Variants in IL24 observed in about 807,000 individuals in gnomAD.
The protein encoded by IL24 is interleukin 24.
IL24 carries 24 observed loss-of-function variants against 27.6 expected under a neutral mutation model. The observed-to-expected ratio is 0.87, with a 90% CI of 0.63 to 1.22. IL24 has a LOEUF of 1.22. IL24 is among the 50% of genes most tolerant of loss of function. The pLI, the probability that IL24 is intolerant of heterozygous loss-of-function variation, is 0.00. For missense variants in IL24, 240 were observed against 237.0 expected (o/e 1.01, Z -0.08); for synonymous variants, 99 against 93.1 (o/e 1.06, Z -0.36).
At chr1:206,901,936 G>C in intron 5 of IL24, 62 bp from the exon 6 acceptor site, 1 of 1,526,938 alleles carries the variant, frequency 6.5e-7, no homozygotes, top group Non-Finnish European at 9.1e-7. Flanking sequence ...GGAAAACTGA[G>C]AGGGAGTTTG....
At position 206,899,364 on chromosome 1, in the gene IL24, T is replaced by C. The variant is rs749469893; in HGVS notation, c.89T>C (p.Met30Thr). Residue 30 changes from methionine (M) to threonine (T), a missense_variant, in exon 3 of 7, where the codon ATG (methionine) becomes ACG (threonine). Coordinates refer to ENST00000294984, the MANE Select transcript of IL24 (RefSeq NM_006850.3). ...CTGGCGACAGCCTCTCAAATGCAGA[T>C]GGTTGTGCTCCCTTGCCTGGGTTTT... Reference protein sequence around the residue: ...PLLATASQMQMVVLPCLGFTL... With the variant: ...PLLATASQMQTVVLPCLGFTL... 6.2e-7 allele frequency: 1 copy of C among 1,614,146 alleles called. No individual in the cohort carries two copies. The highest frequency in any genetic ancestry group is 8.5e-7 in the Non-Finnish European group (1 of 1,179,994).
Position 206,897,818 on chromosome 1 carries a change from A to T in IL24, c.-15A>T, listed in dbSNP as rs748139066. On this transcript the variant is annotated 5_prime_UTR_variant, in exon 2 of 7. Transcript: ENST00000294984. Reference sequence around the variant, plus strand: ...CTGCTTGGGAGGAAGGCCAGGAGGAACACGAGACTGAGAGATGAATTTTCA... The same window carrying T: ...CTGCTTGGGAGGAAGGCCAGGAGGATCACGAGACTGAGAGATGAATTTTCA... The T allele has an allele frequency of 1.2e-6, 2 of 1,612,594 alleles. No individual in the cohort carries two copies. The highest frequency in any genetic ancestry group is 8.5e-7 in the Non-Finnish European group (1 of 1,179,470).
chr1:206,899,517 T>C lies in IL24; in HGVS notation c.240+2T>C, dbSNP rs1433864272. On this transcript the variant is annotated splice_donor_variant, in intron 3 of 6. Coordinates refer to ENST00000294984, the MANE Select transcript of IL24 (RefSeq NM_006850.3). LOFTEE classifies it high-confidence loss of function. ...TTCTGGGCTGTGAAAGACACTATGG[T>C]GAGTAAAGTGCTGTTCTGGACCCAG... 3.8e-6 allele frequency: 6 copies of C among 1,588,260 alleles called. No individual in the cohort carries two copies. The highest frequency in any genetic ancestry group is 5.1e-6 in the Non-Finnish European group (6 of 1,167,830).
At chr1:206,902,118 G>C in intron 6 of IL24, 46 bp downstream of exon 6, 1 of 1,610,100 alleles carries the variant, frequency 6.2e-7, no homozygotes. Context: ...GAATAGACTA[G>C]TCTGCACCAT....
intron 3 of IL24, among the ~76,000 whole-genome samples, chr1:206,900,081 G>A (rs985840978): frequency 2.6e-5 from 4 of 152,124 alleles, no homozygotes; most frequent in Non-Finnish European, 4.4e-5. Flanking sequence ...CTCCTGGGGG[G>A]CCAAGCTTAG....
intron 4 of IL24, 90 bp from the exon 5 acceptor site, chr1:206,901,404 T>A (rs1206738897): frequency 1.4e-6 from 2 of 1,412,362 alleles, no homozygotes; most frequent in Admixed American, 4.9e-5. Flanking sequence ...CTGCTGTGCT[T>A]ATCTTGCCTT....
intron 2 of IL24, among the ~76,000 whole-genome samples, chr1:206,898,183 AAAAGCCTGT>A (rs1678233266): frequency 7.9e-6 from 1 of 126,210 alleles, no homozygotes; most frequent in East Asian, 3.1e-4. Context: ...AAAAAAAAAA[AAAAGCCTGT>A]GGAGTTTGAA....
chr1:206,903,397 C>T lies in IL24; in HGVS notation c.*338C>T, dbSNP rs1001396694. The T allele has an allele frequency of 4.3e-6, 1 of 232,590 alleles. No homozygotes were observed. Among genetic ancestry groups the T allele is most frequent in the African/African-American group, 2.3e-5 (1 of 44,344 alleles). The allele number at this position is 232,590 out of a possible 1,614,324, so 14.4% of individuals were successfully genotyped here. A position where few individuals can be genotyped will look rare whatever the true frequency, so the allele number is the denominator to read the frequency against. ...ATATTGTGCCCCATGCTTCTTTACC[C>T]CTCACAATCCTTGCCACAGTGTGGG... On this transcript the variant is annotated 3_prime_UTR_variant, in exon 7 of 7. Coordinates refer to ENST00000294984, the MANE Select transcript of IL24 (RefSeq NM_006850.3).
rs755278933 is a variant in IL24, at chr1:206,901,517, C to T, written c.327C>T (p.Val109=). The change falls in exon 5 of 7, where the codon GTC becomes GTT. Residue 109 remains valine (V), a synonymous_variant. Transcript: ENST00000294984. ...AGGATGCTGAGAGCTGTTACCTTGT[C>T]CACACCCTGCTGGAGTTCTACTTGA... ...NVSDAESCYL[V]HTLLEFYLKT... is the part of the protein sequence containing the mutation. 5.6e-6 allele frequency: 9 copies of T among 1,613,460 alleles called. No individual in the cohort carries two copies. In the South Asian group the frequency reaches 9.9e-5, roughly 18 times the overall value.
At chr1:206,901,406 T>C (rs1558641325) in intron 4 of IL24, 88 bp from the exon 5 acceptor site, 2 of 1,429,884 alleles carry the variant, frequency 1.4e-6, no homozygotes, top group Non-Finnish European at 1.9e-6. Context: ...GCTGTGCTTA[T>C]CTTGCCTTGG....
chr1:206,897,799 G>C lies in IL24; in HGVS notation c.-34G>C, dbSNP rs1678216257. On this transcript the variant is annotated 5_prime_UTR_variant, in exon 2 of 7. Transcript: ENST00000294984. ...ACACCAAGAAGAATTGAGGCTGCTTGGGAGGAAGGCCAGGAGGAACACGAG... is the reference window on the plus strand; with the variant it reads ...ACACCAAGAAGAATTGAGGCTGCTTCGGAGGAAGGCCAGGAGGAACACGAG... 2 of 1,612,124 alleles carry C rather than the reference G, an allele frequency of 1.2e-6. No individual in the cohort carries two copies. The highest frequency in any genetic ancestry group is 4.5e-5 in the East Asian group (2 of 44,818).
At chr1:206,902,290 A>G (rs1678422182) in intron 6 of IL24, 2 of 985,294 alleles carry the variant, frequency 2.0e-6, no homozygotes, top group South Asian at 4.7e-5. Context: ...AAGTGCTTCT[A>G]TATTTCCCTA....
At chr1:206,902,905 G>T in intron 6 of IL24, 71 bp from the exon 7 acceptor site, 1 of 1,611,866 alleles carries the variant, frequency 6.2e-7, no homozygotes, top group South Asian at 1.1e-5. Context: ...TCTATTTTAG[G>T]CATGGCAGGT....
intron 2 of IL24, among the ~76,000 whole-genome samples, chr1:206,898,715 C>T (rs1054531462): frequency 6.6e-6 from 1 of 152,128 alleles, no homozygotes; most frequent in Non-Finnish European, 1.5e-5. Flanking sequence ...AATTTTTAGA[C>T]TCAAGAGTGA....
At chr1:206,902,142 C>T in intron 6 of IL24, 70 bp downstream of exon 6, 9 of 1,595,122 alleles carry the variant, frequency 5.6e-6, no homozygotes, top group Non-Finnish European at 7.7e-6. Context: ...ACGAGGGCGC[C>T]TCAGAGACCC....
chr1:206,900,174 T>C (rs1678319995), intron 3 of IL24, 121 bp from the exon 4 acceptor site: 18 of 914,756 alleles, frequency 2.0e-5, no homozygotes, highest in Non-Finnish European at 3.0e-5. Context: ...TTGGTCCCTC[T>C]GGCCTTTGAG....
rs1246541863 is a variant in IL24, at chr1:206,902,646, C to T, written c.538-330C>T. 3 of 985,102 alleles carry T rather than the reference C, an allele frequency of 3.0e-6. No individual in the cohort carries two copies. The African/African-American group carries it at 5.2e-5, about 17-fold the overall frequency. 61.0% of individuals were successfully genotyped at this position (985,102 alleles called of 1,614,324 possible). On this transcript the variant is annotated intron_variant, in intron 6 of 6. Transcript: ENST00000294984. The stretch of plus-strand genomic sequence containing the variant: ...ATAACATCTGATGGAGAGGGGCCAC[C>T]TGGGCTCATTTCACCTGTGCAGTGG...
At chr1:206,902,731 T>C (rs917738696) in intron 6 of IL24, 1 of 985,232 alleles carries the variant, frequency 1.0e-6, no homozygotes, top group African/African-American at 1.7e-5. Context: ...TTGTTAGGGG[T>C]GCCATATGTC....
intron 2 of IL24, 122 bp from the exon 3 acceptor site, chr1:206,899,198 T>A: frequency 1.0e-6 from 1 of 1,004,868 alleles, no homozygotes; most frequent in Non-Finnish European, 1.4e-6. Flanking sequence ...TGCAATAGTC[T>A]CAACTTGCCC....
Sources: gnomAD v4.1 joint callset for allele counts (sites outside exome capture counted in the v4.1 genomes callset) on GRCh38, gnomAD v4.1.1 for gene constraint, MANE v1.5 for transcripts, NCBI Gene and HGNC (gene_info 2026-07-23, HGNC 2026-07-21) for gene names.